Variants in ZNF273 observed in about 807,000 individuals in gnomAD.
ZNF273 encodes zinc finger protein 9.
ZNF273 carries 11 observed loss-of-function variants against 14.9 expected under a neutral mutation model. That is an observed-to-expected ratio of 0.74 (90% CI 0.46 to 1.22). ZNF273 has a LOEUF of 1.22. ZNF273 is among the 50% of genes most tolerant of loss of function. The probability of loss-of-function intolerance (pLI) is 0.00; values close to 1 mark genes in which losing one functional copy is unlikely to be tolerated. For synonymous variants in ZNF273, 199 were observed against 223.9 expected (o/e 0.89, Z 0.99); for missense variants, 577 against 660.6 (o/e 0.87, Z 1.39).
chr7:64,893,693 TC>T, downstream of ZNF273: 1 of 23,018 alleles, frequency 4.3e-5, no homozygotes, highest in East Asian at 2.4e-3. Context: ...CCCCTCCCCC[TC>T]CCCTCCCCCT....
At chr7:64,919,604 T>C (rs1794283068) in intron 3 of ZNF273, among the ~76,000 whole-genome samples, 1 of 152,166 alleles carries the variant, frequency 6.6e-6, no homozygotes, top group East Asian at 1.9e-4. Flanking sequence ...CTGCATTTCA[T>C]CCTGGGCAAC....
At chr7:64,927,368 A>G (rs537616661) in intron 3 of ZNF273, among the ~76,000 whole-genome samples, 22 of 150,908 alleles carry the variant, frequency 1.5e-4, no homozygotes, top group African/African-American at 5.1e-4. Context: ...GATTACAGGC[A>G]TGAGCCACTG....
chr7:64,932,969 A>G (rs934603039), downstream of ZNF273, among the ~76,000 whole-genome samples: 1 of 151,898 alleles, frequency 6.6e-6, no homozygotes, highest in Non-Finnish European at 1.5e-5. Context: ...TAATATTACA[A>G]TTTGGAGGAA....
intron 3 of ZNF273, among the ~76,000 whole-genome samples, chr7:64,918,802 G>C (rs1485219918): frequency 6.6e-6 from 1 of 151,474 alleles, no homozygotes; most frequent in East Asian, 1.9e-4. Context: ...ATTCTCTAAG[G>C]ATTCTACTTT....
At chr7:64,911,621 A>G (rs1793520119) in intron 1 of ZNF273, among the ~76,000 whole-genome samples, 1 of 30,976 alleles carries the variant, frequency 3.2e-5, no homozygotes, top group South Asian at 3.3e-3. Context: ...TTCTAATTGT[A>G]TTTATTTGAA....
chr7:64,896,201 A>G (rs912938496), intron 3 of ZNF273, among the ~76,000 whole-genome samples: 5 of 152,134 alleles, frequency 3.3e-5, no homozygotes, highest in African/African-American at 1.2e-4. Flanking sequence ...TTGATTCAAA[A>G]CCAACCTTAT....
In ZNF273 at chr7:64,916,354, A is replaced by G. The variant is rs182538830; in HGVS notation, c.103-1227A>G. On this transcript the variant is annotated intron_variant, in intron 1 of 3. Coordinates refer to ENST00000476120, the MANE Select transcript of ZNF273 (RefSeq NM_021148.3). ...AGGCTGGCCAACATGGTGAAACCCC[A>G]TCTCTACTAAAAATGTAAAAAAAAA... is the stretch of plus-strand genomic sequence containing the variant. Among the ~76,000 whole-genome samples the G allele has an allele frequency of 4.2e-3, 586 of 139,994 alleles. 8 individuals carry two copies. In the East Asian group the frequency reaches 0.05, roughly 12 times the overall value. The allele number at this position is 139,994 out of a possible 152,430, so 91.8% of individuals were successfully genotyped here. A position where few individuals can be genotyped will look rare whatever the true frequency, so the allele number is the denominator to read the frequency against.
intron 3 of ZNF273, among the ~76,000 whole-genome samples, chr7:64,925,033 C>T (rs1357536307): frequency 6.6e-6 from 1 of 152,034 alleles, no homozygotes; most frequent in African/African-American, 2.4e-5. Flanking sequence ...AAACTCCTGA[C>T]CTAAGGTGAT....
chr7:64,925,208 TATC>T (rs1451446051), intron 3 of ZNF273, among the ~76,000 whole-genome samples: 1 of 103,538 alleles, frequency 9.7e-6, no homozygotes, highest in East Asian at 3.6e-4. Context: ...GTCTTACTAA[TATC>T]ATTTTATTAG....
At chr7:64,883,224 C>G (rs1047667244), downstream of ZNF273, among the ~76,000 whole-genome samples, 1 of 134,746 alleles carries the variant, frequency 7.4e-6, no homozygotes, top group Non-Finnish European at 1.6e-5. Context: ...ACCCCCCCCT[C>G]ACCAAGCAGC....
intron 1 of ZNF273, among the ~76,000 whole-genome samples, chr7:64,914,134 A>G (rs1367668354): frequency 7.0e-6 from 1 of 143,598 alleles, no homozygotes; most frequent in Non-Finnish European, 1.5e-5. Flanking sequence ...CAGCCTCCCC[A>G]GTAGCTGGGA....
chr7:64,927,729 G>A lies in ZNF273; in HGVS notation c.401G>A (p.Arg134Lys). 6.2e-7 allele frequency: 1 copy of A among 1,612,690 alleles called. No individual in the cohort carries two copies. Among genetic ancestry groups the A allele is most frequent in the Non-Finnish European group, 8.5e-7 (1 of 1,179,662 alleles). The change falls in exon 4 of 4, where the codon AGA becomes AAA. Residue 134 changes from arginine to lysine, a missense_variant. Arg to Lys is a conservative substitution (Grantham distance 26). Around this residue, in one of 3 missense-constraint regions of ZNF273, gnomAD observed 162 missense variants for 203.5 expected, o/e 0.80. Transcript: ENST00000476120. ...GATTCTTTTCAAAAAGTGATACTGA[G>A]AAGATATGGAAAATATGGACATGAG... is the stretch of plus-strand genomic sequence containing the variant. ...LKDSFQKVIL[R>K]RYGKYGHENL...
intron 1 of ZNF273, among the ~76,000 whole-genome samples, chr7:64,909,637 G>A (rs1191839091): frequency 6.6e-6 from 1 of 152,164 alleles, no homozygotes; most frequent in Non-Finnish European, 1.5e-5. Context: ...GCATTTGCAT[G>A]TGTCTTTATA....
chr7:64,916,903 A>T, intron 1 of ZNF273: 1 of 792,002 alleles, frequency 1.3e-6, no homozygotes, highest in Non-Finnish European at 1.6e-6. Flanking sequence ...TCTCTTCTTT[A>T]TTAAGTATCT....
chr7:64,890,671 T>C (rs573311704), downstream of ZNF273, among the ~76,000 whole-genome samples: 17 of 152,360 alleles, frequency 1.1e-4, no homozygotes, highest in South Asian at 3.3e-3. Flanking sequence ...TCCAAGAGCA[T>C]GAGAGTCCTC....
intron 1 of ZNF273, among the ~76,000 whole-genome samples, chr7:64,905,519 C>T (rs1427096944): frequency 6.8e-6 from 1 of 147,116 alleles, no homozygotes; most frequent in Non-Finnish European, 1.5e-5. Context: ...GATTGCTGGT[C>T]AGCCAATCAG....
At chr7:64,905,109 CTTTTTTTTTT>C (rs61024093) in intron 1 of ZNF273, among the ~76,000 whole-genome samples, 1 of 75,366 alleles carries the variant, frequency 1.3e-5, no homozygotes, top group South Asian at 5.4e-4. Context: ...TCCTGGTGCA[CTTTTTTTTTT>C]TTTTTTTTTT....
downstream of ZNF273, among the ~76,000 whole-genome samples, chr7:64,893,240 CCAAA>C (rs1792144702): frequency 6.6e-6 from 1 of 152,150 alleles, no homozygotes; most frequent in Admixed American, 6.6e-5. Context: ...TCAGAGACAA[CCAAA>C]CACTGTGACA....
At chr7:64,911,992 T>A (rs959779485) in intron 1 of ZNF273, among the ~76,000 whole-genome samples, 3 of 152,212 alleles carry the variant, frequency 2.0e-5, no homozygotes, top group Non-Finnish European at 4.4e-5. Context: ...TACCCAAATA[T>A]CATTCAAGTG....
Sources: allele counts gnomAD v4.1 joint callset (sites outside exome capture counted in the v4.1 genomes callset), GRCh38; gene constraint gnomAD v4.1.1; regional missense constraint gnomAD v4.1.1; transcripts MANE v1.5; gene names NCBI Gene and HGNC (gene_info 2026-07-23, HGNC 2026-07-21).